The following AUTS2 variants were observed in gnomAD, a reference collection of about 807,000 sequenced individuals.
AUTS2 encodes the protein autism susceptibility gene 2 protein.
Under a neutral mutation model 112.4 loss-of-function variants are expected in AUTS2, and 17 were observed. The ratio of observed to expected loss-of-function variants is 0.15; its 90% confidence interval spans 0.10 to 0.23. The LOEUF (loss-of-function observed/expected upper bound fraction) is 0.23. AUTS2 is among the 10% of genes least tolerant of loss of function. The pLI, the probability that AUTS2 is intolerant of heterozygous loss-of-function variation, is 1.00. For missense variants in AUTS2, 1,510 were observed against 1,701.6 expected (o/e 0.89, Z 1.98); for synonymous variants, 751 against 702.7 (o/e 1.07, Z -1.09).
intron 4 of AUTS2, among the ~76,000 whole-genome samples, chr7:70,404,681 A>C (rs1794459869): frequency 6.6e-6 from 1 of 152,126 alleles, no homozygotes; most frequent in Admixed American, 6.5e-5. Context: ...TGTGCAGAGG[A>C]AATTTGGGGG....
At chr7:69,975,321 G>T (rs1286787823) in intron 2 of AUTS2, among the ~76,000 whole-genome samples, 2 of 151,942 alleles carry the variant, frequency 1.3e-5, no homozygotes, top group African/African-American at 4.8e-5. Flanking sequence ...ACTATGATGT[G>T]TCTTGGTGTG....
chr7:70,180,482 T>C (rs1386030338), intron 4 of AUTS2, among the ~76,000 whole-genome samples: 3 of 152,220 alleles, frequency 2.0e-5, no homozygotes, highest in African/African-American at 7.2e-5. Flanking sequence ...CGGTATTCTT[T>C]GCAAAGGAAG....
intron 4 of AUTS2, among the ~76,000 whole-genome samples, chr7:70,266,629 G>T (rs915537230): frequency 2.0e-5 from 3 of 152,098 alleles, no homozygotes; most frequent in Admixed American, 6.6e-5. Context: ...AGATTAGAGT[G>T]ATGGTTGCAC....
At chr7:70,771,384 C>T (rs575341408) in intron 10 of AUTS2, 165 bp from the exon 11 acceptor site, 19 of 494,666 alleles carry the variant, frequency 3.8e-5, no homozygotes, top group African/African-American at 3.0e-4. Context: ...GTTACACATT[C>T]GTGGCACGTC....
intron 6 of AUTS2, among the ~76,000 whole-genome samples, chr7:70,745,543 T>G (rs2129554663): frequency 6.6e-6 from 1 of 152,336 alleles, no homozygotes; most frequent in East Asian, 1.9e-4. Flanking sequence ...TTTCTTATTT[T>G]TTTCTTTCTA....
At chr7:70,433,197 G>A (rs1382244823) in intron 4 of AUTS2, among the ~76,000 whole-genome samples, 1 of 152,106 alleles carries the variant, frequency 6.6e-6, no homozygotes, top group East Asian at 1.9e-4. Context: ...CATTCCCAGG[G>A]ACATACTGCC....
chr7:69,973,266 A>G (rs1285380816), intron 2 of AUTS2, among the ~76,000 whole-genome samples: 6 of 152,248 alleles, frequency 3.9e-5, no homozygotes, highest in African/African-American at 1.4e-4. Flanking sequence ...CTTATTTTCA[A>G]ATGTTGTTTT....
intron 2 of AUTS2, among the ~76,000 whole-genome samples, chr7:70,057,203 C>T (rs943966244): frequency 2.6e-5 from 4 of 152,194 alleles, no homozygotes; most frequent in Middle Eastern, 3.4e-3. Flanking sequence ...TGCGGCTCTG[C>T]TTGAACTGAA....
At chr7:70,348,348 T>C (rs1325739349) in intron 4 of AUTS2, among the ~76,000 whole-genome samples, 1 of 152,214 alleles carries the variant, frequency 6.6e-6, no homozygotes, top group African/African-American at 2.4e-5. Context: ...AAAATTATTA[T>C]TGTCAATTAA....
chr7:69,748,201 A>T (rs1033843781), intron 1 of AUTS2, among the ~76,000 whole-genome samples: 1 of 151,868 alleles, frequency 6.6e-6, no homozygotes, highest in African/African-American at 2.4e-5. Context: ...TAGATTTCTT[A>T]TCTCAGGAAG....
intron 2 of AUTS2, among the ~76,000 whole-genome samples, chr7:69,986,086 T>C (rs1798504395): frequency 6.6e-6 from 1 of 152,208 alleles, no homozygotes; most frequent in Non-Finnish European, 1.5e-5. Context: ...CTTACTCTGT[T>C]ATTGTTTCCT....
At chr7:70,480,988 C>T (rs1240432769) in intron 5 of AUTS2, among the ~76,000 whole-genome samples, 1 of 152,100 alleles carries the variant, frequency 6.6e-6, no homozygotes, top group African/African-American at 2.4e-5. Flanking sequence ...GTTGGAACCA[C>T]ACATGTGTAA....
At chr7:70,039,095 C>T (rs1023135971) in intron 2 of AUTS2, among the ~76,000 whole-genome samples, 12 of 151,958 alleles carry the variant, frequency 7.9e-5, no homozygotes, top group Non-Finnish European at 1.5e-5. Context: ...ATAAGACCCA[C>T]AAACCTTACA....
At chr7:69,903,682 C>T (rs1795051968) in intron 2 of AUTS2, among the ~76,000 whole-genome samples, 1 of 152,092 alleles carries the variant, frequency 6.6e-6, no homozygotes, top group Non-Finnish European at 1.5e-5. Flanking sequence ...TGCCAAAAAG[C>T]CATTCATCTT....
intron 4 of AUTS2, among the ~76,000 whole-genome samples, chr7:70,279,883 T>C (rs987711937): frequency 3.3e-5 from 5 of 152,206 alleles, no homozygotes; most frequent in African/African-American, 1.2e-4. Flanking sequence ...CACAAAAATA[T>C]ATTTGTCTAC....
intron 6 of AUTS2, among the ~76,000 whole-genome samples, chr7:70,711,841 C>T (rs904939277): frequency 7.2e-5 from 11 of 152,170 alleles, no homozygotes; most frequent in African/African-American, 2.7e-4. Flanking sequence ...TCCCAAGTAC[C>T]GGTGACCCTG....
At chr7:70,502,671 G>A (rs1798813890) in intron 5 of AUTS2, among the ~76,000 whole-genome samples, 1 of 152,192 alleles carries the variant, frequency 6.6e-6, no homozygotes, top group African/African-American at 2.4e-5. Flanking sequence ...CAGGCTCAGT[G>A]AGGTGTATAG....
chr7:69,643,639 C>T (rs954420379), intron 1 of AUTS2, among the ~76,000 whole-genome samples: 6 of 152,064 alleles, frequency 3.9e-5, no homozygotes, highest in African/African-American at 1.4e-4. Context: ...CCCGCCAACC[C>T]CCCACCCCGC....
At chr7:70,169,470 C>T (rs895062656) in intron 4 of AUTS2, among the ~76,000 whole-genome samples, 2 of 151,912 alleles carry the variant, frequency 1.3e-5, no homozygotes, top group East Asian at 1.9e-4. Context: ...TTTGATCTCC[C>T]GACCTCATGA....
Sources: gnomAD v4.1 joint callset for allele counts (sites outside exome capture counted in the v4.1 genomes callset) on GRCh38, gnomAD v4.1.1 for gene constraint, MANE v1.5 for transcripts, NCBI Gene and HGNC (gene_info 2026-07-23, HGNC 2026-07-21) for gene names.